DAAM1: variants seen among roughly 807,000 people sequenced by gnomAD.
DAAM1 encodes dishevelled associated activator of morphogenesis 1.
DAAM1 carries 52 observed loss-of-function variants against 130.0 expected under a neutral mutation model. That is an observed-to-expected ratio of 0.40 (90% CI 0.32 to 0.50). The LOEUF is 0.50. Among genes scored for constraint, DAAM1 ranks in the 20% least tolerant of loss-of-function variants. The pLI is 0.61. For missense variants in DAAM1, 1,134 were observed against 1,303.8 expected, an observed-to-expected ratio of 0.87 and a Z score of 2.01; for synonymous variants, 452 against 444.5, an observed-to-expected ratio of 1.02 and a Z score of -0.21.
At position 59,340,104 on chromosome 14, in the gene DAAM1, A is replaced by T; in HGVS notation, c.1999A>T (p.Ser667Cys). The change falls in exon 16 of 25, where the codon AGT (serine) becomes TGT (cysteine). Residue 667 changes from serine (S) to cysteine (C), a missense_variant. By Grantham distance (112) the Ser-to-Cys change is moderately radical. Around this residue, in one of 3 missense-constraint regions of DAAM1, gnomAD observed 644 missense variants for 695.9 expected, o/e 0.93. Coordinates refer to ENST00000360909, the MANE Select transcript of DAAM1 (RefSeq NM_001270520.2). ...AGCAGATGCCATTGATGACACTCTG[A>T]GTTCCAAACTTAAAGTTAAAGAGCT... The part of the protein sequence containing the change: ...KEADAIDDTL[S>C]SKLKVKELSV... The T allele has an allele frequency of 6.2e-7, 1 of 1,613,712 alleles. No homozygotes were observed. Among genetic ancestry groups the T allele is most frequent in the Admixed American group, 1.7e-5 (1 of 60,014 alleles).
intron 1 of DAAM1, among the ~76,000 whole-genome samples, chr14:59,193,375 G>A (rs1346822347): frequency 6.6e-6 from 1 of 152,188 alleles, no homozygotes; most frequent in Non-Finnish European, 1.5e-5. Flanking sequence ...CACTGAAACA[G>A]GGACAGACGA....
chr14:59,292,682 GA>G (rs1397446338), intron 3 of DAAM1, among the ~76,000 whole-genome samples: 1 of 152,198 alleles, frequency 6.6e-6, no homozygotes, highest in East Asian at 1.9e-4. Context: ...TTAATTGGTA[GA>G]ACTATGTGTC....
At position 59,271,095 on chromosome 14, in the gene DAAM1, TC is replaced by T. The variant is rs111234498; in HGVS notation, c.183+7437del. On this transcript the variant is annotated intron_variant, in intron 2 of 24. Transcript: ENST00000360909. ...CAAGTTTTTCTAAGCCTGAAATGTT[TC>T]CAATTCCATTTTATACTATTTTCTG... Among the ~76,000 whole-genome samples the T allele has an allele frequency of 2.0e-5, 3 of 152,338 alleles. 1 individual carries two copies. Among genetic ancestry groups the T allele is most frequent in the African/African-American group, 7.2e-5 (3 of 41,584 alleles).
At chr14:59,366,625 A>T (rs1201298403) in intron 23 of DAAM1, among the ~76,000 whole-genome samples, 1 of 152,248 alleles carries the variant, frequency 6.6e-6, no homozygotes, top group African/African-American at 2.4e-5. Context: ...CATACATGTT[A>T]AGCTCAAATG....
chr14:59,208,727 A>T (rs1278694719), intron 1 of DAAM1, among the ~76,000 whole-genome samples: 1 of 151,944 alleles, frequency 6.6e-6, no homozygotes, highest in South Asian at 2.1e-4. Flanking sequence ...GTAATCCCCA[A>T]TGTTAGATGT....
In DAAM1 at chr14:59,331,427, A is replaced by C; in HGVS notation, c.1779A>C (p.Pro593=). 1 of 1,613,600 alleles carries C rather than the reference A, an allele frequency of 6.2e-7. No homozygotes were observed. ...CAATCATGCCACCTCCTGGTGCTCC[A>C]ATGGGCCTAGCACTGAAGAAGAAAA... The part of the protein sequence containing the change: ...LGAIMPPPGA[P]MGLALKKKSI... Residue 593 remains proline, a synonymous_variant, in exon 14 of 25, where the codon CCA becomes CCC. Transcript: ENST00000360909.
At chr14:59,362,156 G>C (rs1173516257) in intron 22 of DAAM1, 1 of 151,620 alleles carries the variant, frequency 6.6e-6, no homozygotes, top group Non-Finnish European at 1.5e-5. Flanking sequence ...CCCTGCTTCT[G>C]AGCCAGGTCA....
At chr14:59,258,610 G>A (rs538826730) in intron 1 of DAAM1, among the ~76,000 whole-genome samples, 12 of 152,192 alleles carry the variant, frequency 7.9e-5, no homozygotes, top group Non-Finnish European at 1.8e-4. Context: ...AAGTTAAGGT[G>A]GGCAGGTTCT....
At chr14:59,365,425 C>G (rs957723487) in intron 23 of DAAM1, among the ~76,000 whole-genome samples, 1 of 152,052 alleles carries the variant, frequency 6.6e-6, no homozygotes, top group Non-Finnish European at 1.5e-5. Context: ...CTATATATGG[C>G]GTCTGAAGAA....
At chr14:59,203,410 C>G (rs1049893017) in intron 1 of DAAM1, among the ~76,000 whole-genome samples, 1 of 152,048 alleles carries the variant, frequency 6.6e-6, no homozygotes, top group Non-Finnish European at 1.5e-5. Flanking sequence ...TTATGGTACA[C>G]AAACTGTATC....
chr14:59,258,414 G>A (rs1882009479), intron 1 of DAAM1, among the ~76,000 whole-genome samples: 1 of 152,162 alleles, frequency 6.6e-6, no homozygotes, highest in Non-Finnish European at 1.5e-5. Context: ...CTGTCTTCCT[G>A]ATGGCCCACC....
chr14:59,206,113 C>G (rs898016437), intron 1 of DAAM1, among the ~76,000 whole-genome samples: 5 of 152,062 alleles, frequency 3.3e-5, no homozygotes, highest in Admixed American at 1.3e-4. Flanking sequence ...CGTGGCCTCC[C>G]AAAGTTGCTG....
Position 59,326,606 on chromosome 14 carries a change from C to G in DAAM1, c.1271C>G (p.Ser424Cys). Residue 424 changes from serine (S) to cysteine (C), a missense_variant, in exon 11 of 25, where the codon TCC (serine) becomes TGC (cysteine). Transcript: ENST00000360909. ...AATGACAAAGGACAGGACCCTGACT[C>G]CACACCTTTGGAAAACTTTAATATT... ...IQNDKGQDPD[S>C]TPLENFNIKN... is the part of the protein sequence containing the mutation. 1 of 1,613,736 alleles carries G rather than the reference C, an allele frequency of 6.2e-7. No homozygotes were observed. The highest frequency in any genetic ancestry group is 1.1e-5 in the South Asian group (1 of 91,010).
chr14:59,331,288 C>A lies in DAAM1; in HGVS notation c.1640C>A (p.Ser547Tyr), dbSNP rs1381658056. Residue 547 changes from serine (S) to tyrosine (Y), a missense_variant, in exon 14 of 25, where the codon TCT (serine) becomes TAT (tyrosine). Transcript: ENST00000360909. ...GGPFPSSVPG[S>Y]LLPPPPPPPL... ...CCCTTTCCTTCCTCTGTGCCTGGATCTCTCCTTCCTCCCCCACCACCCCCA... is the reference window on the plus strand; with the variant it reads ...CCCTTTCCTTCCTCTGTGCCTGGATATCTCCTTCCTCCCCCACCACCCCCA... 6.2e-7 allele frequency: 1 copy of A among 1,612,722 alleles called. No homozygotes were observed. The highest frequency in any genetic ancestry group is 1.7e-5 in the Admixed American group (1 of 60,008).
chr14:59,208,768 G>A (rs79530766), intron 1 of DAAM1, among the ~76,000 whole-genome samples: 8,999 of 152,194 alleles, frequency 0.059, 375 homozygotes, highest in Non-Finnish European at 0.089. Context: ...TGGGTCATGA[G>A]GGTAGATCCC....
chr14:59,240,916 T>C (rs1391723061), intron 1 of DAAM1, among the ~76,000 whole-genome samples: 2 of 152,212 alleles, frequency 1.3e-5, no homozygotes, highest in African/African-American at 4.8e-5. Context: ...CTAGTTCCCA[T>C]AGGTATGCGA....
At chr14:59,220,758 A>ATG (rs1888744376) in intron 1 of DAAM1, among the ~76,000 whole-genome samples, 1 of 152,204 alleles carries the variant, frequency 6.6e-6, no homozygotes, top group Non-Finnish European at 1.5e-5. Context: ...CAAAGACCTA[A>ATG]GAACTAGGGG....
At position 59,331,223 on chromosome 14, in the gene DAAM1, T is replaced by C; in HGVS notation, c.1575T>C (p.Ala525=). 1 of 1,612,974 alleles carries C rather than the reference T, an allele frequency of 6.2e-7. No homozygotes were observed. The highest frequency in any genetic ancestry group is 8.5e-7 in the Non-Finnish European group (1 of 1,179,982). The change falls in exon 14 of 25, where the codon GCT becomes GCC. Residue 525 remains alanine, a synonymous_variant. Coordinates refer to ENST00000360909, the MANE Select transcript of DAAM1 (RefSeq NM_001270520.2). The part of the protein sequence containing the change: ...LHELSRRAVC[A]SIPGGPSPGA... ...TATCTTTTCAGAGGGCCGTCTGTGC[T>C]TCAATCCCAGGTGGACCCTCGCCTG...
chr14:59,190,755 A>C lies in DAAM1; in HGVS notation c.-38+1987A>C, dbSNP rs145858438. ...GGGTAGAGAGGGTTTCCTAACGTTA[A>C]TTCTAGGCGCAATGGCCTATGATTC... On this transcript the variant is annotated intron_variant, in intron 1 of 24. Coordinates refer to ENST00000360909, the MANE Select transcript of DAAM1 (RefSeq NM_001270520.2). 3.9e-4 allele frequency among the ~76,000 whole-genome samples: 60 copies of C among 152,290 alleles called. No homozygotes were observed. In the East Asian group the frequency reaches 0.012, roughly 29 times the overall value.
Sources: allele counts gnomAD v4.1 joint callset (sites outside exome capture counted in the v4.1 genomes callset), GRCh38; gene constraint gnomAD v4.1.1; regional missense constraint gnomAD v4.1.1; transcripts MANE v1.5; gene names NCBI Gene and HGNC (gene_info 2026-07-23, HGNC 2026-07-21).